Variants in CDK20 observed in about 807,000 individuals in gnomAD.
The protein encoded by CDK20 is cyclin dependent kinase 20.
CDK20 carries 40 observed loss-of-function variants against 38.6 expected under a neutral mutation model. That is an observed-to-expected ratio of 1.04 (90% confidence interval 0.81 to 1.35). CDK20 has a LOEUF of 1.35. Ranked by LOEUF, CDK20 falls within the 40% of genes most tolerant of loss-of-function variation. The pLI, the probability that CDK20 is intolerant of heterozygous loss-of-function variation, is 0.00. For missense variants in CDK20, 512 were observed against 452.6 expected (o/e 1.13, Z -1.19); for synonymous variants, 209 against 185.7 (o/e 1.13, Z -1.02).
chr9:87,969,735 C>T (rs922147297), intron 6 of CDK20, 61 bp downstream of exon 6: 10 of 1,607,896 alleles, frequency 6.2e-6, no homozygotes, highest in Non-Finnish European at 8.5e-6. Context: ...GGAGTGGTTA[C>T]TTGCTGTTGG....
At chr9:87,970,406 AACCCCAACCCCAAAGTGCTCAGAAT>A in intron 5 of CDK20, 137 bp downstream of exon 5, 1 of 646,782 alleles carries the variant, frequency 1.5e-6, no homozygotes, top group Admixed American at 3.0e-5. Context: ...CATAGTGAGG[AACCCCAACCCCAAAGTGCTCAGAAT>A]ACCCCAACCA....
rs28364936 is a variant in CDK20, at chr9:87,973,902, G to GC, written c.189+19dup. On this transcript the variant is annotated intron_variant, in intron 2 of 7. Coordinates refer to ENST00000325303, the MANE Select transcript of CDK20 (RefSeq NM_001039803.3). The stretch of plus-strand genomic sequence containing the variant: ...GAGCGACTGAGGGTGAGAATACCAT[G>GC]CCCCCCCTCCCCTACTCACATACTG... 1.4e-3 allele frequency: 2,178 copies of GC among 1,604,270 alleles called. 26 individuals carry two copies. In the African/African-American group the frequency reaches 0.025, roughly 18 times the overall value.
intron 1 of CDK20, 61 bp downstream of exon 1, chr9:87,974,311 G>A (rs1037346583): frequency 3.3e-6 from 5 of 1,528,730 alleles, no homozygotes; most frequent in South Asian, 2.2e-5. Context: ...AGTTTAGAGC[G>A]TTAGCCGGAG....
Position 87,967,055 on chromosome 9 carries a change from C to T in CDK20, c.*407G>A, listed in dbSNP as rs1348846244. 1.9e-6 allele frequency: 1 copy of T among 529,008 alleles called. No individual in the cohort carries two copies. The highest frequency in any genetic ancestry group is 5.3e-5 in the East Asian group (1 of 18,832). The allele number at this position is 529,008 out of a possible 1,614,324, so 32.8% of individuals were successfully genotyped here. A position where few individuals can be genotyped will look rare whatever the true frequency, so the allele number is the denominator to read the frequency against. On this transcript the variant is annotated 3_prime_UTR_variant, in exon 8 of 8. Transcript: ENST00000325303. ...AATAAAACCAAACCAAATCTTCCTT[C>T]CACTTGAGTTTCCAACATAAGGACA... is the stretch of plus-strand genomic sequence containing the variant.
In CDK20 at chr9:87,966,673, T is replaced by A. The variant is rs1013649658; in HGVS notation, c.*789A>T. Reference sequence around the variant, plus strand: ...TTCCAGGAACGCTTGTTTCCTTAAATACACAGCTGCTTCTGGCTCACGCTC... The same window carrying A: ...TTCCAGGAACGCTTGTTTCCTTAAAAACACAGCTGCTTCTGGCTCACGCTC... On this transcript the variant is annotated 3_prime_UTR_variant, in exon 8 of 8. Transcript: ENST00000325303. The A allele has an allele frequency of 1.7e-5, 3 of 178,518 alleles. No homozygotes were observed. Among genetic ancestry groups the A allele is most frequent in the Non-Finnish European group, 3.6e-5 (3 of 82,604 alleles). 11.1% of individuals were successfully genotyped at this position (178,518 alleles called of 1,614,324 possible). A position where few individuals can be genotyped will look rare whatever the true frequency, so the allele number is the denominator to read the frequency against.
intron 7 of CDK20, 98 bp downstream of exon 7, chr9:87,969,096 G>A: frequency 3.6e-6 from 5 of 1,387,138 alleles, no homozygotes; most frequent in South Asian, 2.6e-5. Flanking sequence ...GGTTCTGAGG[G>A]TCGCTGATGT....
Position 87,966,992 on chromosome 9 carries a change from A to G in CDK20, c.*470T>C, listed in dbSNP as rs1256298063. 1.3e-5 allele frequency: 6 copies of G among 472,962 alleles called. No homozygotes were observed. Among genetic ancestry groups the G allele is most frequent in the African/African-American group, 5.9e-5 (3 of 50,998 alleles). 29.3% of individuals were successfully genotyped at this position (472,962 alleles called of 1,614,324 possible). ...GAGCCACCTGAGGTTTTTAGAATCT[A>G]TATCTCACATACTGAACTAGTGTTT... On this transcript the variant is annotated 3_prime_UTR_variant, in exon 8 of 8. Transcript: ENST00000325303.
In CDK20 at chr9:87,973,993, A is replaced by G. The variant is rs200958864; in HGVS notation, c.118T>C (p.Leu40=). 1.9e-5 allele frequency: 31 copies of G among 1,614,152 alleles called. No homozygotes were observed. The highest frequency in any genetic ancestry group is 5.3e-5 in the African/African-American group (4 of 75,038). Residue 40 remains leucine, a synonymous_variant, in exon 2 of 8, where the codon TTG becomes CTG. Coordinates refer to ENST00000325303, the MANE Select transcript of CDK20 (RefSeq NM_001039803.3). ...GCCTGGTTAGGGAAGCCGTCCTCCA[A>G]CCGCCTTAGGGCCACCTTCTTGAGG... ...VALKKVALRR[L]EDGFPNQALR...
At chr9:87,972,016 C>T (rs972899607) in intron 2 of CDK20, among the ~76,000 whole-genome samples, 2 of 152,094 alleles carry the variant, frequency 1.3e-5, no homozygotes, top group Admixed American at 1.3e-4. Context: ...CCAGCCTGGG[C>T]AACATGGTGA....
At chr9:87,969,439 AC>A in intron 6 of CDK20, 90 bp from the exon 7 acceptor site, 2 of 1,387,272 alleles carry the variant, frequency 1.4e-6, no homozygotes, top group South Asian at 2.6e-5. Context: ...CCTAACACAC[AC>A]TCACATGGGG....
At chr9:87,971,737 G>A (rs1258620540) in intron 2 of CDK20, among the ~76,000 whole-genome samples, 1 of 152,106 alleles carries the variant, frequency 6.6e-6, no homozygotes, top group Non-Finnish European at 1.5e-5. Context: ...CCCAGTGCTG[G>A]GACAGCTACA....
Position 87,966,910 on chromosome 9 carries a change from CAATGCCACCTTAGCCATTTCCCTTGAG to C in CDK20, c.*525_*551del. ...GACCCCAAAAACGAGAGCCATGAGA[CAATGCCACCTTAGCCATTTCCCTTGAG>C]AGAAATGAAGGAGGAACAGACATAA... On this transcript the variant is annotated 3_prime_UTR_variant, in exon 8 of 8. Transcript: ENST00000325303. 2.6e-6 allele frequency: 1 copy of C among 388,274 alleles called. No homozygotes were observed. Among genetic ancestry groups the C allele is most frequent in the Non-Finnish European group, 5.2e-6 (1 of 193,854 alleles). 24.1% of individuals were successfully genotyped at this position (388,274 alleles called of 1,614,324 possible).
Position 87,974,505 on chromosome 9 carries a change from C to G in CDK20, c.-59G>C. The G allele has an allele frequency of 6.7e-7, 1 of 1,486,018 alleles. No homozygotes were observed. The highest frequency in any genetic ancestry group is 1.4e-5 in the African/African-American group (1 of 72,518). 92.1% of individuals were successfully genotyped at this position (1,486,018 alleles called of 1,614,324 possible). On this transcript the variant is annotated 5_prime_UTR_variant, in exon 1 of 8. Transcript: ENST00000325303. Reference sequence around the variant, plus strand: ...CCTGAACTTCCAAACTCCACTTCTCCTCCACCCCACGCTGATCTGAGCTCG... The same window carrying G: ...CCTGAACTTCCAAACTCCACTTCTCGTCCACCCCACGCTGATCTGAGCTCG...
rs775960700 is a variant in CDK20 at position 87,969,295 on chromosome 9, T to C, written c.742A>G (p.Met248Val). 3 of 1,614,016 alleles carry C rather than the reference T, an allele frequency of 1.9e-6. No homozygotes were observed. The highest frequency in any genetic ancestry group is 2.2e-5 in the South Asian group (2 of 91,084). The change falls in exon 7 of 8, where the codon ATG becomes GTG. Residue 248 changes from methionine to valine, a missense_variant. Physicochemically the swap from Met to Val is conservative, Grantham distance 21. Coordinates refer to ENST00000325303, the MANE Select transcript of CDK20 (RefSeq NM_001039803.3). ...NKISFKEQVPMPLEEVLPDVS... is the reference protein window; with the variant it reads ...NKISFKEQVPVPLEEVLPDVS... Reference sequence around the variant, plus strand: ...TCAGGCAGCACCTCCTCCAGGGGCATGGGCACCTGCTCCTTAAAGGAGATC... The same window carrying C: ...TCAGGCAGCACCTCCTCCAGGGGCACGGGCACCTGCTCCTTAAAGGAGATC...
chr9:87,973,831 T>TGGTGAA, intron 2 of CDK20, 91 bp downstream of exon 2: 1 of 1,319,580 alleles, frequency 7.6e-7, no homozygotes, highest in South Asian at 1.3e-5. Context: ...CCCTGAAAGC[T>TGGTGAA]GGTGAAGGCG....
chr9:87,969,474 C>A, intron 6 of CDK20, 125 bp from the exon 7 acceptor site: 1 of 1,055,924 alleles, frequency 9.5e-7, no homozygotes, highest in Middle Eastern at 2.2e-4. Flanking sequence ...CCATGTGTCT[C>A]CCTGACCCAT....
intron 2 of CDK20, among the ~76,000 whole-genome samples, chr9:87,972,186 C>G (rs900895651): frequency 3.3e-5 from 5 of 151,988 alleles, no homozygotes; most frequent in South Asian, 2.1e-4. Flanking sequence ...GCCTGGGTGA[C>G]AGAGTGAGAC....
intron 5 of CDK20, 175 bp from the exon 6 acceptor site, chr9:87,970,094 G>C: frequency 1.6e-6 from 1 of 628,066 alleles, no homozygotes; most frequent in Non-Finnish European, 2.5e-6. Context: ...AGAACCCAGA[G>C]CAAAGCCCCA....
In CDK20 at chr9:87,970,569, A is replaced by G. The variant is rs1256294519; in HGVS notation, c.562T>C (p.Trp188Arg). 5 of 1,613,706 alleles carry G rather than the reference A, an allele frequency of 3.1e-6. No individual in the cohort carries two copies. In the South Asian group the frequency reaches 4.4e-5, roughly 14 times the overall value. ...ARQYDQGVDL[W>R]SVGCIMGELL... Reference sequence around the variant, plus strand: ...TTTGACCACCCACAGGGGTCTCACCACAGATCGACGCCCTGGTCATACTGG... The same window carrying G: ...TTTGACCACCCACAGGGGTCTCACCGCAGATCGACGCCCTGGTCATACTGG... The change falls in exon 5 of 8, where the codon TGG (tryptophan) becomes CGG (arginine). Residue 188 changes from tryptophan (W) to arginine (R), a missense_variant and splice_region_variant. By Grantham distance (101) the Trp-to-Arg change is moderately radical (BLOSUM62 -3). Coordinates refer to ENST00000325303, the MANE Select transcript of CDK20 (RefSeq NM_001039803.3).
Sources: gnomAD v4.1 joint callset for allele counts (sites outside exome capture counted in the v4.1 genomes callset) on GRCh38, gnomAD v4.1.1 for gene constraint, MANE v1.5 for transcripts, NCBI Gene and HGNC (gene_info 2026-07-23, HGNC 2026-07-21) for gene names.